Variants in MEIOB observed in about 807,000 individuals in gnomAD.
The protein encoded by MEIOB is meiosis specific with OB-fold, also known as meiosis-specific with OB domain-containing protein.
Under a neutral mutation model 53.1 loss-of-function variants are expected in MEIOB, and 50 were observed. The observed-to-expected ratio is 0.94, with a 90% CI of 0.75 to 1.19. The LOEUF is 1.19. MEIOB is among the 50% of genes most tolerant of loss of function. The pLI is 0.00. For synonymous variants in MEIOB, 192 were observed against 182.5 expected, an observed-to-expected ratio of 1.05 and a Z score of -0.42; for missense variants, 551 against 550.8, an observed-to-expected ratio of 1.00 and a Z score of 0.00.
intron 12 of MEIOB, chr16:1,838,085 C>T (rs1374810012): frequency 1.2e-6 from 1 of 831,922 alleles, no homozygotes; most frequent in East Asian, 2.7e-5. Context: ...CAGCCTCGAA[C>T]TCCCGGGGTC....
chr16:1,860,544 A>C, intron 4 of MEIOB, 69 bp from the exon 5 acceptor site: 18 of 856,296 alleles, frequency 2.1e-5, no homozygotes, highest in Non-Finnish European at 3.0e-5. Context: ...ATCCTAAATA[A>C]CATCCTGTTT....
At chr16:1,835,568 G>GGGTA (rs1389562938) in intron 13 of MEIOB, among the ~76,000 whole-genome samples, 1 of 152,270 alleles carries the variant, frequency 6.6e-6, no homozygotes, top group East Asian at 1.9e-4. Flanking sequence ...AACAATAAGT[G>GGGTA]GGTACCCTTT....
intron 3 of MEIOB, among the ~76,000 whole-genome samples, chr16:1,864,068 C>T (rs1043056857): frequency 2.6e-5 from 4 of 152,136 alleles, no homozygotes; most frequent in African/African-American, 9.7e-5. Context: ...GCAGGAAGAC[C>T]ACTTGAGCCC....
At chr16:1,845,861 T>G (rs1005660723) in intron 9 of MEIOB, among the ~76,000 whole-genome samples, 2 of 152,112 alleles carry the variant, frequency 1.3e-5, no homozygotes, top group African/African-American at 4.8e-5. Flanking sequence ...CTCCGGCATA[T>G]GATTAAGTAC....
intron 2 of MEIOB, among the ~76,000 whole-genome samples, 156 bp from the exon 3 acceptor site, chr16:1,865,991 T>G (rs1439879526): frequency 6.6e-6 from 1 of 152,216 alleles, no homozygotes; most frequent in Admixed American, 6.6e-5. Context: ...CTAAAAGAAG[T>G]TCATAAATGT....
Position 1,872,089 on chromosome 16 carries a change from G to C in MEIOB, c.-106C>G, listed in dbSNP as rs1228196070. 1 of 151,546 alleles carries C rather than the reference G, an allele frequency of 6.6e-6. No individual in the cohort carries two copies. The highest frequency in any genetic ancestry group is 6.6e-5 in the Admixed American group (1 of 15,238). The allele number at this position is 151,546 out of a possible 1,614,324, so 9.4% of individuals were successfully genotyped here. On this transcript the variant is annotated 5_prime_UTR_variant, in exon 1 of 14. Coordinates refer to ENST00000325962, the MANE Select transcript of MEIOB (RefSeq NM_001163560.3). ...CCGACCCCCGGGTCGCCCGCGCTTCGCGGCTTCTCCACAGGACGCTCGGGC... is the reference window on the plus strand; with the variant it reads ...CCGACCCCCGGGTCGCCCGCGCTTCCCGGCTTCTCCACAGGACGCTCGGGC...
chr16:1,872,018 C>G lies in MEIOB; in HGVS notation c.-35G>C, dbSNP rs1258672489. ...CCGAGGCTCGCCCGGCCGGCTGCTC[C>G]CCGGGCCTGCACAGCTGCCGCCGCG... is the stretch of plus-strand genomic sequence containing the variant. On this transcript the variant is annotated 5_prime_UTR_variant, in exon 1 of 14. Transcript: ENST00000325962. 1.3e-5 allele frequency: 2 copies of G among 150,654 alleles called. No homozygotes were observed. Among genetic ancestry groups the G allele is most frequent in the African/African-American group, 4.9e-5 (2 of 41,106 alleles). The allele number at this position is 150,654 out of a possible 1,614,324, so 9.3% of individuals were successfully genotyped here.
At chr16:1,859,544 A>G (rs1276401983) in intron 5 of MEIOB, among the ~76,000 whole-genome samples, 2 of 152,172 alleles carry the variant, frequency 1.3e-5, no homozygotes, top group Non-Finnish European at 2.9e-5. Flanking sequence ...CTGTCTCAGT[A>G]AAAAATAAAA....
At chr16:1,848,637 G>A (rs111688244) in intron 9 of MEIOB, among the ~76,000 whole-genome samples, 19,321 of 144,588 alleles carry the variant, frequency 0.13, 1,245 homozygotes, top group East Asian at 0.18. Context: ...CCACCTCCCC[G>A]GCTGAAGCGA....
At chr16:1,855,537 G>T (rs1205423242) in intron 6 of MEIOB, among the ~76,000 whole-genome samples, 1 of 152,320 alleles carries the variant, frequency 6.6e-6, no homozygotes, top group Admixed American at 6.5e-5. Context: ...CACATGAAAG[G>T]TTCCAGACTC....
In MEIOB at chr16:1,837,345, G is replaced by T. The variant is rs866603858; in HGVS notation, c.1305+439C>A. On this transcript the variant is annotated intron_variant, in intron 13 of 13. Transcript: ENST00000325962. ...CTGAAGGGAACACCACAGGGTGGGT[G>T]GGGGTGGGGACAACCTAGTCTGACC... is the stretch of plus-strand genomic sequence containing the variant. Among the ~76,000 whole-genome samples the T allele has an allele frequency of 2.6e-5, 4 of 152,176 alleles. No individual in the cohort carries two copies. In the Middle Eastern group the frequency reaches 0.01, roughly 388 times the overall value.
intron 13 of MEIOB, among the ~76,000 whole-genome samples, chr16:1,836,478 G>T (rs1021960313): frequency 1.3e-5 from 2 of 152,092 alleles, no homozygotes; most frequent in African/African-American, 4.8e-5. Context: ...ACCTAAGCAT[G>T]CCCTGACTTG....
In MEIOB at chr16:1,854,154, T is replaced by C. The variant is rs970093726; in HGVS notation, c.575A>G (p.Gln192Arg). 6.4e-7 allele frequency: 1 copy of C among 1,551,024 alleles called. No individual in the cohort carries two copies. Among genetic ancestry groups the C allele is most frequent in the African/African-American group, 1.4e-5 (1 of 73,026 alleles). ...YFTTSDRRKG[Q>R]RCEVRLYDET... ...ATCATAGAGTCTAACTTCACACCTCTGGCCTTTTCTCCGGTCTGAAGTTGT... is the reference window on the plus strand; with the variant it reads ...ATCATAGAGTCTAACTTCACACCTCCGGCCTTTTCTCCGGTCTGAAGTTGT... Residue 192 changes from glutamine (Q) to arginine (R), a missense_variant, in exon 7 of 14, where the codon CAG becomes CGG. Transcript: ENST00000325962.
intron 4 of MEIOB, among the ~76,000 whole-genome samples, chr16:1,861,575 C>T (rs571674364): frequency 1.5e-3 from 173 of 117,036 alleles, no homozygotes; most frequent in African/African-American, 5.3e-3. Flanking sequence ...CAGGGTCTTA[C>T]TCTGTGACTC....
chr16:1,855,860 C>T (rs1302591494), intron 6 of MEIOB, among the ~76,000 whole-genome samples: 4 of 152,092 alleles, frequency 2.6e-5, no homozygotes, highest in African/African-American at 9.7e-5. Context: ...CACGTTCTCT[C>T]AGTCACCATT....
At chr16:1,859,425 C>T (rs1014143728) in intron 5 of MEIOB, among the ~76,000 whole-genome samples, 1 of 152,130 alleles carries the variant, frequency 6.6e-6, no homozygotes, top group African/African-American at 2.4e-5. Flanking sequence ...CCTGTAATCA[C>T]AGCTACTTGG....
chr16:1,847,459 C>G (rs931342388), intron 9 of MEIOB, among the ~76,000 whole-genome samples: 1 of 151,502 alleles, frequency 6.6e-6, no homozygotes, highest in Non-Finnish European at 1.5e-5. Flanking sequence ...AAGACTCCAT[C>G]TCAAAAAACA....
intron 9 of MEIOB, among the ~76,000 whole-genome samples, chr16:1,848,403 C>A (rs1312389590): frequency 6.6e-6 from 1 of 152,142 alleles, no homozygotes. Flanking sequence ...TCTCCTAGAA[C>A]TATGTTACAG....
intron 6 of MEIOB, among the ~76,000 whole-genome samples, chr16:1,855,873 A>C (rs1742431): frequency 0.83 from 125,386 of 151,800 alleles, 51,906 homozygotes; most frequent in Middle Eastern, 0.9. Context: ...TCACCATTTA[A>C]TATAACAAGC....
Sources: allele counts gnomAD v4.1 joint callset (sites outside exome capture counted in the v4.1 genomes callset), GRCh38; gene constraint gnomAD v4.1.1; transcripts MANE v1.5; gene names NCBI Gene and HGNC (gene_info 2026-07-23, HGNC 2026-07-21).